MALRD1: variants seen among roughly 807,000 people sequenced by gnomAD.
MALRD1 encodes MAM and LDL-receptor class A domain-containing protein 1.
In MALRD1, 247 loss-of-function variants were observed where a neutral mutation model predicts 242.1. The observed-to-expected ratio is 1.02, with a 90% CI of 0.92 to 1.13. The LOEUF (loss-of-function observed/expected upper bound fraction) is 1.13, where lower values mean the gene tolerates loss of function less well. Among genes scored for constraint, MALRD1 ranks in the 50% most tolerant of loss-of-function variants. MALRD1 has a pLI of 0.00. For synonymous variants in MALRD1, 995 were observed against 866.6 expected (o/e 1.15, Z -2.60); for missense variants, 2,989 against 2,533.1 (o/e 1.18, Z -3.86).
chr10:19,408,280 T>C (rs1258902467), intron 28 of MALRD1, among the ~76,000 whole-genome samples: 8 of 152,172 alleles, frequency 5.3e-5, no homozygotes, highest in Non-Finnish European at 2.9e-5. Flanking sequence ...GACAGGTGCA[T>C]CTGTAGGTGA....
intron 12 of MALRD1, among the ~76,000 whole-genome samples, chr10:19,158,812 A>G (rs1834275110): frequency 6.6e-6 from 1 of 152,106 alleles, no homozygotes; most frequent in Non-Finnish European, 1.5e-5. Flanking sequence ...TAATAATAAC[A>G]CTCTACAAAT....
intron 28 of MALRD1, among the ~76,000 whole-genome samples, chr10:19,414,740 G>A (rs887255834): frequency 2.6e-5 from 4 of 152,148 alleles, no homozygotes; most frequent in African/African-American, 4.8e-5. Flanking sequence ...AGTCGGCATC[G>A]TCTGAGGCAC....
intron 23 of MALRD1, among the ~76,000 whole-genome samples, chr10:19,328,781 T>C (rs1405400574): frequency 1.3e-5 from 2 of 152,152 alleles, no homozygotes; most frequent in Non-Finnish European, 2.9e-5. Flanking sequence ...AAGAAGGAAG[T>C]TCAACCTGAA....
At chr10:19,462,695 TA>T (rs1275379738) in intron 29 of MALRD1, among the ~76,000 whole-genome samples, 1 of 152,176 alleles carries the variant, frequency 6.6e-6, no homozygotes, top group Non-Finnish European at 1.5e-5. Context: ...CTAGCAAGTA[TA>T]GAAGGATATT....
chr10:19,466,516 T>A (rs775898374), intron 29 of MALRD1, among the ~76,000 whole-genome samples: 1 of 152,226 alleles, frequency 6.6e-6, no homozygotes, highest in Non-Finnish European at 1.5e-5. Context: ...AGAAGTTAAC[T>A]TTCTCACAGT....
At chr10:19,182,460 G>T (rs540421713) in intron 14 of MALRD1, among the ~76,000 whole-genome samples, 11 of 151,028 alleles carry the variant, frequency 7.3e-5, no homozygotes, top group African/African-American at 2.4e-4. Flanking sequence ...GAGTATCTGG[G>T]ACAGCAGGCG....
intron 21 of MALRD1, among the ~76,000 whole-genome samples, chr10:19,322,230 A>G (rs1303568688): frequency 6.6e-6 from 1 of 152,142 alleles, no homozygotes; most frequent in African/African-American, 2.4e-5. Flanking sequence ...GTATAAGTAT[A>G]TACATCTTTG....
At chr10:19,673,165 G>A (rs547978043) in intron 36 of MALRD1, among the ~76,000 whole-genome samples, 113 of 152,178 alleles carry the variant, frequency 7.4e-4, no homozygotes, top group African/African-American at 2.6e-3. Context: ...GGCAGATCCC[G>A]AGGTCAGGAG....
Position 19,155,183 on chromosome 10 carries a change from G to A in MALRD1, c.1656+11G>A, listed in dbSNP as rs896854211. On this transcript the variant is annotated intron_variant, in intron 12 of 39. Transcript: ENST00000454679. ...TCTACCCCATGTCAGGTAATCAACTGTTCTGAATTTCCACTGGCCATTCTG... is the reference window on the plus strand; with the variant it reads ...TCTACCCCATGTCAGGTAATCAACTATTCTGAATTTCCACTGGCCATTCTG... 45 of 1,226,460 alleles carry A rather than the reference G, an allele frequency of 3.7e-5. No individual in the cohort carries two copies. Among genetic ancestry groups the A allele is most frequent in the Non-Finnish European group, 4.6e-5 (45 of 983,260 alleles). 76.0% of individuals were successfully genotyped at this position (1,226,460 alleles called of 1,614,324 possible). A position where few individuals can be genotyped will look rare whatever the true frequency, so the allele number is the denominator to read the frequency against.
At chr10:19,077,669 C>G (rs775229885) in intron 2 of MALRD1, among the ~76,000 whole-genome samples, 14 of 151,944 alleles carry the variant, frequency 9.2e-5, no homozygotes, top group East Asian at 1.9e-4. Flanking sequence ...TCTAAATACA[C>G]TAAATATAGT....
chr10:19,269,674 C>CAGA (rs2131843354), intron 19 of MALRD1, among the ~76,000 whole-genome samples: 1 of 151,096 alleles, frequency 6.6e-6, no homozygotes, highest in South Asian at 2.1e-4. Context: ...TTGCAAAGTT[C>CAGA]AGCTCCAGAA....
chr10:19,311,485 A>C (rs1463974693), intron 21 of MALRD1, among the ~76,000 whole-genome samples: 1 of 151,444 alleles, frequency 6.6e-6, no homozygotes, highest in Non-Finnish European at 1.5e-5. Flanking sequence ...ATGAACTGAA[A>C]GTATTCTAGT....
chr10:19,441,056 T>C (rs1315112336), intron 28 of MALRD1, among the ~76,000 whole-genome samples: 1 of 152,204 alleles, frequency 6.6e-6, no homozygotes, highest in African/African-American at 2.4e-5. Flanking sequence ...TGAGATGGTA[T>C]CCCATTGTGG....
At chr10:19,375,030 A>T (rs1845540056) in intron 26 of MALRD1, among the ~76,000 whole-genome samples, 2 of 152,158 alleles carry the variant, frequency 1.3e-5, no homozygotes, top group Non-Finnish European at 2.9e-5. Context: ...GGGCCATGGG[A>T]TGCTATGGCC....
intron 32 of MALRD1, among the ~76,000 whole-genome samples, chr10:19,566,671 A>G (rs1053815020): frequency 7.9e-5 from 12 of 151,044 alleles, no homozygotes; most frequent in African/African-American, 2.9e-4. Flanking sequence ...ATAGAGATAT[A>G]TAGATAGTAT....
At chr10:19,105,891 G>C (rs1836445319) in intron 5 of MALRD1, among the ~76,000 whole-genome samples, 1 of 151,756 alleles carries the variant, frequency 6.6e-6, no homozygotes, top group Admixed American at 6.6e-5. Context: ...GAGTTGTTTT[G>C]AGTTTCTTAT....
intron 21 of MALRD1, among the ~76,000 whole-genome samples, chr10:19,288,270 A>T (rs978168758): frequency 2.0e-5 from 3 of 152,032 alleles, no homozygotes; most frequent in East Asian, 1.9e-4. Flanking sequence ...AGAGCAGGGT[A>T]CCCATCCCCT....
At chr10:19,299,743 T>C (rs780175726) in intron 21 of MALRD1, among the ~76,000 whole-genome samples, 1 of 151,906 alleles carries the variant, frequency 6.6e-6, no homozygotes, top group Non-Finnish European at 1.5e-5. Flanking sequence ...AAGTCATCTA[T>C]GGCAGACGCA....
At chr10:19,717,143 T>C (rs1186987982) in intron 38 of MALRD1, among the ~76,000 whole-genome samples, 1 of 152,198 alleles carries the variant, frequency 6.6e-6, no homozygotes, top group Admixed American at 6.5e-5. Context: ...AACCATAGTT[T>C]TTCTGTCAGT....
Sources: allele counts gnomAD v4.1 joint callset (sites outside exome capture counted in the v4.1 genomes callset), GRCh38; gene constraint gnomAD v4.1.1; transcripts MANE v1.5; gene names NCBI Gene and HGNC (gene_info 2026-07-23, HGNC 2026-07-21).